The following CCDC91 variants were observed in gnomAD, a reference collection of about 807,000 sequenced individuals.
CCDC91 encodes the protein coiled-coil domain containing 91.
A neutral mutation model predicts 63.2 loss-of-function variants in CCDC91; 48 were observed. The ratio of observed to expected loss-of-function variants is 0.76; its 90% CI spans 0.60 to 0.97. CCDC91 has a LOEUF of 0.97. Among genes scored for constraint, CCDC91 ranks in the 50% least tolerant of loss-of-function variants. The pLI is 0.00. For synonymous variants in CCDC91, 167 were observed against 165.8 expected, an observed-to-expected ratio of 1.01 and a Z score of -0.06; for missense variants, 500 against 494.6, an observed-to-expected ratio of 1.01 and a Z score of -0.10.
chr12:28,458,455 C>CTTTTTTTTTTTTTTTTTTTT lies in CCDC91; in HGVS notation c.1101+5814_1101+5833dup, dbSNP rs60083355. Among the ~76,000 whole-genome samples, 3 of 45,792 alleles carry CTTTTTTTTTTTTTTTTTTTT rather than the reference C, an allele frequency of 6.6e-5. 1 individual carries two copies. Among genetic ancestry groups the CTTTTTTTTTTTTTTTTTTTT allele is most frequent in the African/African-American group, 3.3e-4 (3 of 9,060 alleles). The allele number at this position is 45,792 out of a possible 152,430, so 30.0% of individuals were successfully genotyped here. ...TTCCCTTTTGTCCTCATTTGCACAC[C>CTTTTTTTTTTTTTTTTTTTT]TTTTTTTTTTTTTTTTTTTTTTTTT... On this transcript the variant is annotated intron_variant, in intron 11 of 12. Coordinates refer to ENST00000536442, the MANE Select transcript of CCDC91 (RefSeq NM_018318.5).
At chr12:28,412,903 T>A (rs1197522026) in intron 8 of CCDC91, 3 of 399,536 alleles carry the variant, frequency 7.5e-6, no homozygotes, top group Non-Finnish European at 1.5e-5. Flanking sequence ...GAAGTCCAGC[T>A]GGCCTCACCT....
intron 12 of CCDC91, among the ~76,000 whole-genome samples, chr12:28,484,691 G>A (rs1951627675): frequency 6.6e-6 from 1 of 151,946 alleles, no homozygotes; most frequent in East Asian, 1.9e-4. Flanking sequence ...TTCATACAAT[G>A]TGGTTTTATT....
chr12:28,194,827 A>G (rs1428888103), intron 1 of CCDC91, among the ~76,000 whole-genome samples: 1 of 151,402 alleles, frequency 6.6e-6, no homozygotes, highest in African/African-American at 2.4e-5. Flanking sequence ...GCTCATTGTT[A>G]TAGCTCGTAA....
At chr12:28,312,129 T>C (rs1373398922) in intron 6 of CCDC91, among the ~76,000 whole-genome samples, 1 of 152,058 alleles carries the variant, frequency 6.6e-6, no homozygotes, top group African/African-American at 2.4e-5. Flanking sequence ...TATTCTTTGT[T>C]GTAGCTACAT....
chr12:28,529,687 G>T (rs1272915247), intron 12 of CCDC91, among the ~76,000 whole-genome samples: 1 of 152,152 alleles, frequency 6.6e-6, no homozygotes, highest in African/African-American at 2.4e-5. Flanking sequence ...GACACGATAG[G>T]ATATATTCTT....
chr12:28,223,839 C>T (rs549731301), intron 1 of CCDC91, among the ~76,000 whole-genome samples: 2 of 152,234 alleles, frequency 1.3e-5, no homozygotes, highest in African/African-American at 4.8e-5. Flanking sequence ...GAAATGTCTT[C>T]TTAAAAGAAG....
intron 1 of CCDC91, among the ~76,000 whole-genome samples, chr12:28,208,612 T>C (rs1331174940): frequency 6.6e-6 from 1 of 152,194 alleles, no homozygotes; most frequent in Non-Finnish European, 1.5e-5. Flanking sequence ...AGGTTTAAAA[T>C]ACTTGATATT....
At chr12:28,354,040 T>G (rs1943361254) in intron 6 of CCDC91, among the ~76,000 whole-genome samples, 1 of 152,142 alleles carries the variant, frequency 6.6e-6, no homozygotes, top group Non-Finnish European at 1.5e-5. Context: ...ACCCCTGAAC[T>G]TAAAAGCATT....
chr12:28,469,469 C>T (rs1184448720), intron 11 of CCDC91, among the ~76,000 whole-genome samples: 1 of 151,892 alleles, frequency 6.6e-6, no homozygotes, highest in African/African-American at 2.4e-5. Flanking sequence ...ATTCTGCATC[C>T]ATGGATTGAA....
intron 12 of CCDC91, among the ~76,000 whole-genome samples, chr12:28,542,136 A>C (rs901476639): frequency 6.6e-6 from 1 of 152,110 alleles, no homozygotes; most frequent in African/African-American, 2.4e-5. Context: ...TTCTGCCCAG[A>C]TGATTTCTTG....
In CCDC91 at chr12:28,399,866, G is replaced by T. The variant is rs368890755; in HGVS notation, c.762+8455G>T. On this transcript the variant is annotated intron_variant, in intron 8 of 12. Transcript: ENST00000536442. ...GGCCTTGGGAAGCTCTACTCCTATG[G>T]CTTTGCAGGGTACAGGCCTCCTCCT... 4.6e-5 allele frequency among the ~76,000 whole-genome samples: 7 copies of T among 152,308 alleles called. No individual in the cohort carries two copies. The South Asian group carries it at 1.5e-3, about 32-fold the overall frequency.
At position 28,294,524 on chromosome 12, in the gene CCDC91, G is replaced by A. The variant is rs578025689; in HGVS notation, c.110-11125G>A. ...GCCTGCTTCCCCTTTGCCTTCTGCT[G>A]TGATTGCAAGCTTCCTGAGGCATCC... On this transcript the variant is annotated intron_variant, in intron 3 of 12. Transcript: ENST00000536442. Among the ~76,000 whole-genome samples, 13 of 152,154 alleles carry A rather than the reference G, an allele frequency of 8.5e-5. No homozygotes were observed. The South Asian group carries it at 2.7e-3, about 32-fold the overall frequency.
intron 8 of CCDC91, among the ~76,000 whole-genome samples, chr12:28,437,195 A>G (rs1237992825): frequency 6.6e-6 from 1 of 151,940 alleles, no homozygotes; most frequent in Non-Finnish European, 1.5e-5. Flanking sequence ...TCACGTGTAC[A>G]TTATTTTGCA....
rs996015082 is a variant in CCDC91, at chr12:28,439,711, GT to G, written c.763-10440del. 1.2e-4 allele frequency among the ~76,000 whole-genome samples: 17 copies of G among 144,630 alleles called. 1 individual carries two copies. Among genetic ancestry groups the G allele is most frequent in the East Asian group, 4.0e-4 (2 of 5,044 alleles). 94.9% of individuals were successfully genotyped at this position (144,630 alleles called of 152,430 possible). On this transcript the variant is annotated intron_variant, in intron 8 of 12. Coordinates refer to ENST00000536442, the MANE Select transcript of CCDC91 (RefSeq NM_018318.5). ...TGACTCACATTCCAGGAAAGAAGAG[GT>G]TTTTTTTTTCTTTCTTTTTTCTTTT...
intron 3 of CCDC91, among the ~76,000 whole-genome samples, chr12:28,272,171 T>C (rs1286833406): frequency 6.6e-6 from 1 of 151,980 alleles, no homozygotes; most frequent in East Asian, 1.9e-4. Flanking sequence ...TTTAACACTA[T>C]GTAATTGTTC....
intron 1 of CCDC91, among the ~76,000 whole-genome samples, chr12:28,209,742 A>G (rs1943101099): frequency 6.6e-6 from 1 of 152,194 alleles, no homozygotes; most frequent in African/African-American, 2.4e-5. Flanking sequence ...AAGATTTTTT[A>G]TAACACTTTC....
At chr12:28,308,293 C>G (rs2137124612) in intron 6 of CCDC91, among the ~76,000 whole-genome samples, 1 of 152,082 alleles carries the variant, frequency 6.6e-6, no homozygotes, top group East Asian at 1.9e-4. Context: ...CAGGTTTCAA[C>G]CATTTATCAT....
chr12:28,448,325 A>G (rs1949637010), intron 8 of CCDC91, among the ~76,000 whole-genome samples: 2 of 152,182 alleles, frequency 1.3e-5, no homozygotes, highest in Non-Finnish European at 1.5e-5. Flanking sequence ...TGCTATTATT[A>G]TCTATAAGTA....
At chr12:28,548,657 T>C (rs1943143457) in intron 12 of CCDC91, among the ~76,000 whole-genome samples, 1 of 152,166 alleles carries the variant, frequency 6.6e-6, no homozygotes, top group Non-Finnish European at 1.5e-5. Context: ...TTTGTTCCAC[T>C]AAACCCTGTG....
Sources: allele counts gnomAD v4.1 joint callset (sites outside exome capture counted in the v4.1 genomes callset), GRCh38; gene constraint gnomAD v4.1.1; transcripts MANE v1.5; gene names NCBI Gene and HGNC (gene_info 2026-07-23, HGNC 2026-07-21).